DOP1A: variants seen among roughly 807,000 people sequenced by gnomAD.
DOP1A encodes protein DOP1A.
A neutral mutation model predicts 267.6 loss-of-function variants in DOP1A; 90 were observed. The ratio of observed to expected loss-of-function variants is 0.34; its 90% CI spans 0.28 to 0.40. The LOEUF is 0.40. DOP1A is among the 10% of genes least tolerant of loss of function. The probability of loss-of-function intolerance (pLI) is 1.00; values close to 1 mark genes in which losing one functional copy is unlikely to be tolerated. For missense variants in DOP1A, 2,437 were observed against 2,900.4 expected (o/e 0.84, Z 3.67); for synonymous variants, 932 against 999.1 (o/e 0.93, Z 1.27).
Position 83,129,416 on chromosome 6 carries a change from C to T in DOP1A, c.2249C>T (p.Ala750Val), listed in dbSNP as rs1302104818. Residue 750 changes from alanine (A) to valine (V), a missense_variant, in exon 16 of 39, where the codon GCC becomes GTC. Physicochemically the swap from Ala to Val is moderately conservative, Grantham distance 64 (BLOSUM62 0). Around this residue, in one of 9 missense-constraint regions of DOP1A, gnomAD observed 498 missense variants for 513.5 expected, o/e 0.97. Coordinates refer to ENST00000349129, the MANE Select transcript of DOP1A (RefSeq NM_015018.4). ...SKEYLSAFLA[A>V]CQLFLECSSF... ...GAATACCTGTCTGCCTTCCTTGCTGCCTGTCAGCTCTTCCTAGAGTGCTCA... is the reference window on the plus strand; with the variant it reads ...GAATACCTGTCTGCCTTCCTTGCTGTCTGTCAGCTCTTCCTAGAGTGCTCA... 2.5e-6 allele frequency: 4 copies of T among 1,610,568 alleles called. No homozygotes were observed. The African/African-American group carries it at 5.4e-5, about 22-fold the overall frequency.
Position 83,151,445 on chromosome 6 carries a change from A to C in DOP1A, c.5838-148A>C, listed in dbSNP as rs1057354330. 3.0e-5 allele frequency: 15 copies of C among 496,170 alleles called. No homozygotes were observed. In the South Asian group the frequency reaches 4.5e-4, roughly 15 times the overall value. 30.7% of individuals were successfully genotyped at this position (496,170 alleles called of 1,614,324 possible). A position where few individuals can be genotyped will look rare whatever the true frequency, so the allele number is the denominator to read the frequency against. On this transcript the variant is annotated intron_variant, in intron 27 of 38. Coordinates refer to ENST00000349129, the MANE Select transcript of DOP1A (RefSeq NM_015018.4). ...TTTCATGAGTATGTTTATGAATGTC[A>C]GTTGAGTCATAGGATATGTATATAT...
intron 5 of DOP1A, 77 bp downstream of exon 5, chr6:83,109,157 T>A: frequency 1.5e-6 from 2 of 1,302,538 alleles, no homozygotes; most frequent in Non-Finnish European, 2.1e-6. Flanking sequence ...AAATATGTTT[T>A]AACATCACAA....
At chr6:83,093,534 A>T (rs1317878520) in intron 1 of DOP1A, among the ~76,000 whole-genome samples, 1 of 152,252 alleles carries the variant, frequency 6.6e-6, no homozygotes, top group Non-Finnish European at 1.5e-5. Context: ...GACTCTCCCC[A>T]ATAAAATGTA....
In DOP1A at chr6:83,107,242, A is replaced by G. The variant is rs184166723; in HGVS notation, c.321-1668A>G. On this transcript the variant is annotated intron_variant, in intron 4 of 38. Coordinates refer to ENST00000349129, the MANE Select transcript of DOP1A (RefSeq NM_015018.4). ...AGCAAAGATGTCAGTTCGGAAAGAA[A>G]AATTACAGAAAAGAAAAAAGATAAT... 1.4e-3 allele frequency among the ~76,000 whole-genome samples: 210 copies of G among 152,256 alleles called. 3 individuals carry two copies. The highest frequency in any genetic ancestry group is 4.9e-3 in the African/African-American group (205 of 41,556).
chr6:83,136,369 A>C, intron 20 of DOP1A, among the ~76,000 whole-genome samples: 1 of 152,260 alleles, frequency 6.6e-6, no homozygotes, highest in African/African-American at 2.4e-5. Context: ...ATATTACTAC[A>C]AAGTCCATAC....
chr6:83,140,154 G>A (rs1779384188), intron 22 of DOP1A, 43 bp downstream of exon 22: 1 of 1,602,564 alleles, frequency 6.2e-7, no homozygotes. Context: ...AAGACTGTGA[G>A]GTCTAATAAA....
rs1281420577 is a variant in DOP1A, at chr6:83,145,508, A to G, written c.5542-16A>G. ...TTATATACATACATACATACATACAATGATTTATTACCTAGGTCATTCCTG... is the reference window on the plus strand; with the variant it reads ...TTATATACATACATACATACATACAGTGATTTATTACCTAGGTCATTCCTG... On this transcript the variant is annotated splice_polypyrimidine_tract_variant and intron_variant, in intron 24 of 38. Coordinates refer to ENST00000349129, the MANE Select transcript of DOP1A (RefSeq NM_015018.4). The G allele has an allele frequency of 5.1e-6, 8 of 1,568,050 alleles. No homozygotes were observed. The highest frequency in any genetic ancestry group is 3.5e-5 in the South Asian group (3 of 85,906).
chr6:83,106,735 G>C (rs1335656259), intron 4 of DOP1A, among the ~76,000 whole-genome samples: 10 of 151,908 alleles, frequency 6.6e-5, no homozygotes, highest in Admixed American at 2.0e-4. Context: ...ACTTGAACCT[G>C]GGAGGTGGAG....
chr6:83,099,723 T>TATATATATATACACACGTATAC (rs1562294170), intron 3 of DOP1A, among the ~76,000 whole-genome samples: 5 of 151,026 alleles, frequency 3.3e-5, no homozygotes, highest in African/African-American at 1.2e-4. Context: ...TACATATATA[T>TATATATATATACACACGTATAC]ATATATATAC....
In DOP1A at chr6:83,159,751, G is replaced by A. The variant is rs377241651; in HGVS notation, c.6798-45G>A. 3.1e-6 allele frequency: 5 copies of A among 1,609,478 alleles called. No homozygotes were observed. The African/African-American group carries it at 4.0e-5, about 13-fold the overall frequency. On this transcript the variant is annotated intron_variant, in intron 36 of 38. Coordinates refer to ENST00000349129, the MANE Select transcript of DOP1A (RefSeq NM_015018.4). ...TTTAGATCTTTCCAGGAATTCCTGT[G>A]AGTAAATGGGTCCAGCTGCTGACAG...
intron 23 of DOP1A, 99 bp downstream of exon 23, chr6:83,140,502 G>A (rs1285115721): frequency 3.1e-6 from 3 of 965,640 alleles, no homozygotes; most frequent in Admixed American, 2.7e-5. Flanking sequence ...GTATTTACAG[G>A]ACTCTGCTAA....
At chr6:83,125,479 T>C in intron 14 of DOP1A, 21 bp from the exon 15 acceptor site, 1 of 1,606,726 alleles carries the variant, frequency 6.2e-7, no homozygotes, top group Non-Finnish European at 8.5e-7. Context: ...TAAACTTTTT[T>C]CATTTCACTT....
chr6:83,139,016 A>C lies in DOP1A; in HGVS notation c.4974A>C (p.Pro1658=), dbSNP rs772946798. The C allele has an allele frequency of 5.0e-6, 8 of 1,614,022 alleles. No individual in the cohort carries two copies. Among genetic ancestry groups the C allele is most frequent in the Non-Finnish European group, 5.1e-6 (6 of 1,179,986 alleles). Reference sequence around the variant, plus strand: ...AGCACTGTGCATGTAAGATGCACCCACAATGGATTGGTTTAATCACATCTA... The same window carrying C: ...AGCACTGTGCATGTAAGATGCACCCCCAATGGATTGGTTTAATCACATCTA... ...LHQHCACKMH[P]QWIGLITSTL... The change falls in exon 21 of 39, where the codon CCA becomes CCC. Residue 1658 remains proline (P), a synonymous_variant. Coordinates refer to ENST00000349129, the MANE Select transcript of DOP1A (RefSeq NM_015018.4).
At chr6:83,091,679 T>G (rs777272834) in intron 1 of DOP1A, among the ~76,000 whole-genome samples, 9 of 152,212 alleles carry the variant, frequency 5.9e-5, no homozygotes, top group Non-Finnish European at 1.0e-4. Flanking sequence ...AAATGACCCC[T>G]ATTTTCATTA....
At chr6:83,068,288 C>T (rs929252629) in intron 1 of DOP1A, among the ~76,000 whole-genome samples, 3 of 152,102 alleles carry the variant, frequency 2.0e-5, no homozygotes, top group Non-Finnish European at 4.4e-5. Context: ...GAAAGGAGTA[C>T]CGAAGTTTAT....
intron 12 of DOP1A, among the ~76,000 whole-genome samples, chr6:83,124,481 G>A (rs2128224353): frequency 6.6e-6 from 1 of 152,278 alleles, no homozygotes; most frequent in Non-Finnish European, 1.5e-5. Context: ...ACACTTCGAA[G>A]TACAGGATGG....
Position 83,151,721 on chromosome 6 carries a change from A to G in DOP1A, c.5904+62A>G, listed in dbSNP as rs188896695. 4.1e-3 allele frequency: 6,163 copies of G among 1,514,598 alleles called. 16 individuals are homozygous for G. Among genetic ancestry groups the G allele is most frequent in the Non-Finnish European group, 4.9e-3 (5,513 of 1,114,538 alleles). 93.8% of individuals were successfully genotyped at this position (1,514,598 alleles called of 1,614,324 possible). On this transcript the variant is annotated intron_variant, in intron 28 of 38. Coordinates refer to ENST00000349129, the MANE Select transcript of DOP1A (RefSeq NM_015018.4). ...TCAGTGCCCTCAATTTGAAAATGAG[A>G]GAGTCAAATAAAATAAACTGAAGTT...
chr6:83,141,342 T>A (rs937590450), intron 23 of DOP1A, among the ~76,000 whole-genome samples: 2 of 152,182 alleles, frequency 1.3e-5, no homozygotes, highest in Non-Finnish European at 1.5e-5. Context: ...TTTTTAAATT[T>A]TTTTTCTTCC....
At chr6:83,167,284 A>G (rs1255101926) in intron 38 of DOP1A, 1 of 984,978 alleles carries the variant, frequency 1.0e-6, no homozygotes, top group Non-Finnish European at 1.2e-6. Context: ...TATGTTGTTT[A>G]GCACAACCCA....
Sources: gnomAD v4.1 joint callset for allele counts (sites outside exome capture counted in the v4.1 genomes callset) on GRCh38, gnomAD v4.1.1 for gene constraint, gnomAD v4.1.1 regional missense constraint, MANE v1.5 for transcripts, NCBI Gene and HGNC (gene_info 2026-07-23, HGNC 2026-07-21) for gene names.